The following RAB14 variants were observed in gnomAD, a reference collection of about 807,000 sequenced individuals.
The protein encoded by RAB14 is RAB14, member RAS oncogene family, also known as ras-related protein Rab-14.
In RAB14, 3 loss-of-function variants were observed where a neutral mutation model predicts 31.1. That is an observed-to-expected ratio of 0.10 (90% CI 0.04 to 0.25). The LOEUF (loss-of-function observed/expected upper bound fraction) is 0.25. Among genes scored for constraint, RAB14 ranks in the 10% least tolerant of loss-of-function variants. The pLI is 1.00. For synonymous variants in RAB14, 85 were observed against 84.9 expected (o/e 1.00, Z 0.00); for missense variants, 111 against 260.1 (o/e 0.43, Z 3.94).
At chr9:121,201,515 G>C (rs991805494) in intron 1 of RAB14, 124 bp downstream of exon 1, 2 of 152,330 alleles carry the variant, frequency 1.3e-5, no homozygotes, top group Non-Finnish European at 2.9e-5. Flanking sequence ...ACGGCCTGAC[G>C]GGGCCTGGCC....
intron 1 of RAB14, among the ~76,000 whole-genome samples, 169 bp from the exon 2 acceptor site, chr9:121,193,588 C>A (rs1185196661): frequency 1.3e-5 from 2 of 152,094 alleles, no homozygotes; most frequent in African/African-American, 4.8e-5. Flanking sequence ...TACACAAATT[C>A]TCTTGGATGA....
At position 121,185,659 on chromosome 9, in the gene RAB14, T is replaced by C. The variant is rs374772694; in HGVS notation, c.351+1294A>G. On this transcript the variant is annotated intron_variant, in intron 5 of 7. Transcript: ENST00000373840. Reference sequence around the variant, plus strand: ...GTTTTCTAAATGAAATCATACAGTATGTAAACTTTTGAGATTGGCTTTTTT... The same window carrying C: ...GTTTTCTAAATGAAATCATACAGTACGTAAACTTTTGAGATTGGCTTTTTT... Among the ~76,000 whole-genome samples the C allele has an allele frequency of 5.0e-4, 76 of 152,322 alleles. No individual in the cohort carries two copies. The South Asian group carries it at 0.014, about 27-fold the overall frequency.
At chr9:121,198,268 C>T (rs566365583) in intron 1 of RAB14, among the ~76,000 whole-genome samples, 25 of 152,200 alleles carry the variant, frequency 1.6e-4, no homozygotes, top group African/African-American at 5.5e-4. Flanking sequence ...AACAAATCTC[C>T]CACTCATAAT....
At chr9:121,192,369 G>C (rs2053691602) in intron 2 of RAB14, 145 bp from the exon 3 acceptor site, 1 of 470,578 alleles carries the variant, frequency 2.1e-6, no homozygotes, top group South Asian at 5.1e-5. Context: ...TGATTCAAAA[G>C]TTTTCACTGT....
chr9:121,181,700 G>T (rs2053633852), intron 7 of RAB14, 127 bp from the exon 8 acceptor site: 2 of 462,254 alleles, frequency 4.3e-6, no homozygotes, highest in African/African-American at 2.0e-5. Context: ...TCTAATAAGA[G>T]ATTACCAGAA....
intron 1 of RAB14, among the ~76,000 whole-genome samples, chr9:121,196,193 A>G (rs1351306667): frequency 6.6e-6 from 1 of 152,242 alleles, no homozygotes; most frequent in African/African-American, 2.4e-5. Context: ...GAAAAAAAAA[A>G]TCCTGGTAAT....
chr9:121,195,472 G>T (rs975096644), intron 1 of RAB14, among the ~76,000 whole-genome samples: 12 of 151,948 alleles, frequency 7.9e-5, no homozygotes, highest in Non-Finnish European at 1.8e-4. Context: ...TACTTCAAAT[G>T]CTTTAAAGAC....
intron 1 of RAB14, among the ~76,000 whole-genome samples, chr9:121,197,346 C>G (rs1394072298): frequency 6.6e-6 from 1 of 152,124 alleles, no homozygotes; most frequent in Non-Finnish European, 1.5e-5. Flanking sequence ...GGAAACATAC[C>G]ATTTCACCAC....
intron 1 of RAB14, among the ~76,000 whole-genome samples, chr9:121,201,366 C>A (rs892353844): frequency 2.6e-5 from 4 of 152,116 alleles, no homozygotes; most frequent in African/African-American, 9.7e-5. Flanking sequence ...CACACCCTTC[C>A]CTGCACGCCT....
rs531450231 is a variant in RAB14 at position 121,200,384 on chromosome 9, G to T, written c.-8+1255C>A. ...AAAATAAAAGAATTTTTTAAAGGCA[G>T]TTGGGATAGTAACGAAATGAGCAGT... is the stretch of plus-strand genomic sequence containing the variant. On this transcript the variant is annotated intron_variant, in intron 1 of 7. Coordinates refer to ENST00000373840, the MANE Select transcript of RAB14 (RefSeq NM_016322.4). 2.0e-5 allele frequency among the ~76,000 whole-genome samples: 3 copies of T among 152,350 alleles called. No individual in the cohort carries two copies. The South Asian group carries it at 6.2e-4, about 32-fold the overall frequency.
At chr9:121,182,711 G>C (rs1488552136) in intron 7 of RAB14, among the ~76,000 whole-genome samples, 1 of 152,110 alleles carries the variant, frequency 6.6e-6, no homozygotes, top group African/African-American at 2.4e-5. Context: ...TTACCAACAG[G>C]CATAATCAAG....
At chr9:121,200,445 T>C (rs1000405468) in intron 1 of RAB14, among the ~76,000 whole-genome samples, 2 of 152,222 alleles carry the variant, frequency 1.3e-5, no homozygotes, top group Admixed American at 1.3e-4. Context: ...GCTCTGACAC[T>C]TGCTGTGGGG....
intron 5 of RAB14, among the ~76,000 whole-genome samples, chr9:121,185,173 G>C (rs1564319084): frequency 6.6e-6 from 1 of 152,220 alleles, no homozygotes; most frequent in African/African-American, 2.4e-5. Context: ...AGGGCGGTAA[G>C]GTTAATTTTA....
intron 1 of RAB14, among the ~76,000 whole-genome samples, chr9:121,196,601 G>C (rs556855364): frequency 6.6e-6 from 1 of 152,234 alleles, no homozygotes; most frequent in Non-Finnish European, 1.5e-5. Context: ...TTTAACTACA[G>C]AGATCCCCTC....
Position 121,178,834 on chromosome 9 carries a change from G to A in RAB14, c.*2562C>T, listed in dbSNP as rs1176802135. On this transcript the variant is annotated 3_prime_UTR_variant, in exon 8 of 8. Coordinates refer to ENST00000373840, the MANE Select transcript of RAB14 (RefSeq NM_016322.4). Reference sequence around the variant, plus strand: ...GCCTCCTCACAGGTCCAAGGGCAATGAGCAACCTCAAGAGGCAGGTGACTG... The same window carrying A: ...GCCTCCTCACAGGTCCAAGGGCAATAAGCAACCTCAAGAGGCAGGTGACTG... 3 of 152,210 alleles carry A rather than the reference G, an allele frequency of 2.0e-5. No individual in the cohort carries two copies. The highest frequency in any genetic ancestry group is 4.4e-5 in the Non-Finnish European group (3 of 68,040). 9.4% of individuals were successfully genotyped at this position (152,210 alleles called of 1,614,324 possible).
intron 7 of RAB14, among the ~76,000 whole-genome samples, chr9:121,182,010 T>A (rs1019617867): frequency 4.6e-5 from 7 of 152,150 alleles, no homozygotes; most frequent in African/African-American, 1.7e-4. Context: ...CTTCCCAAAG[T>A]GCTGGGATTA....
At position 121,183,451 on chromosome 9, in the gene RAB14, C is replaced by CA. The variant is rs2053644169; in HGVS notation, c.352-54dup. On this transcript the variant is annotated intron_variant, in intron 5 of 7. Coordinates refer to ENST00000373840, the MANE Select transcript of RAB14 (RefSeq NM_016322.4). Reference sequence around the variant, plus strand: ...TTGTAACAAAAGCAGTAATTTAAACCAACCATGCAAATTCTGAAATCCAAA... The same window carrying CA: ...TTGTAACAAAAGCAGTAATTTAAACCAAACCATGCAAATTCTGAAATCCAAA... The CA allele has an allele frequency of 4.4e-6, 6 of 1,372,688 alleles. No homozygotes were observed. In the South Asian group the frequency reaches 6.2e-5, roughly 14 times the overall value. The allele number at this position is 1,372,688 out of a possible 1,614,324, so 85.0% of individuals were successfully genotyped here.
chr9:121,184,446 A>G, intron 5 of RAB14, among the ~76,000 whole-genome samples: 1 of 152,188 alleles, frequency 6.6e-6, no homozygotes. Flanking sequence ...GGGGTTATGG[A>G]TAAACTGTCT....
intron 5 of RAB14, 76 bp downstream of exon 5, chr9:121,186,877 C>T: frequency 1.0e-6 from 1 of 1,004,990 alleles, no homozygotes. Flanking sequence ...ACAAAAATCT[C>T]ACCAGTAAAT....
Sources: gnomAD v4.1 joint callset for allele counts (sites outside exome capture counted in the v4.1 genomes callset) on GRCh38, gnomAD v4.1.1 for gene constraint, MANE v1.5 for transcripts, NCBI Gene and HGNC (gene_info 2026-07-23, HGNC 2026-07-21) for gene names.